Variants in AMZ1 observed in about 807,000 individuals in gnomAD.
AMZ1 encodes the protein archaelysin family metallopeptidase 1, also known as archaemetzincin-1.
Under a neutral mutation model 29.9 loss-of-function variants are expected in AMZ1, and 39 were observed. The observed-to-expected ratio is 1.30, with a 90% CI of 1.01 to 1.70. The LOEUF (loss-of-function observed/expected upper bound fraction) is 1.70, where lower values mean the gene tolerates loss of function less well. AMZ1 is among the 40% of genes most tolerant of loss of function. The probability of loss-of-function intolerance (pLI) is 0.00; values close to 1 mark genes in which losing one functional copy is unlikely to be tolerated. For missense variants in AMZ1, 1,041 were observed against 680.6 expected (o/e 1.53, Z -5.89); for synonymous variants, 458 against 304.0 (o/e 1.51, Z -5.27).
chr7:2,708,042 C>T (rs954361837), intron 3 of AMZ1, among the ~76,000 whole-genome samples: 6 of 151,998 alleles, frequency 3.9e-5, no homozygotes, highest in South Asian at 2.1e-4. Context: ...AGGCTGGTCT[C>T]GAACTCCTGA....
chr7:2,759,781 A>G (rs193074930), upstream of AMZ1, among the ~76,000 whole-genome samples: 5 of 152,352 alleles, frequency 3.3e-5, no homozygotes, highest in East Asian at 9.7e-4. Context: ...GGCCATGAAA[A>G]AAACTGTCCT....
downstream of AMZ1, among the ~76,000 whole-genome samples, chr7:2,724,079 G>T (rs150617118): frequency 0.012 from 1,674 of 137,364 alleles, 16 homozygotes; most frequent in Middle Eastern, 0.077. Flanking sequence ...CTAATTTTTT[G>T]TATTTTTAGT....
At chr7:2,720,779 G>A (rs1036161690), downstream of AMZ1, among the ~76,000 whole-genome samples, 4 of 152,086 alleles carry the variant, frequency 2.6e-5, no homozygotes, top group Non-Finnish European at 5.9e-5. Context: ...GGGCTCAAGC[G>A]ACTCTCCTGC....
chr7:2,761,354 G>A (rs949683019), upstream of AMZ1, among the ~76,000 whole-genome samples: 4 of 152,226 alleles, frequency 2.6e-5, no homozygotes, highest in African/African-American at 7.2e-5. Flanking sequence ...GGGTGGGCAC[G>A]CAGATGGCAG....
chr7:2,758,384 A>G (rs958585842), intron 4 of AMZ1, among the ~76,000 whole-genome samples: 2 of 152,172 alleles, frequency 1.3e-5, no homozygotes, highest in Non-Finnish European at 2.9e-5. Context: ...AGGCTTGCAC[A>G]TGAAAGAGGG....
At chr7:2,746,624 C>G (rs1361870030) in intron 4 of AMZ1, among the ~76,000 whole-genome samples, 2 of 152,112 alleles carry the variant, frequency 1.3e-5, no homozygotes, top group Non-Finnish European at 2.9e-5. Context: ...AAAGCAAGAA[C>G]AAACACATTC....
chr7:2,708,710 G>A lies in AMZ1; in HGVS notation c.595G>A (p.Gly199Arg), dbSNP rs767412896. Residue 199 changes from glycine to arginine, a missense_variant, in exon 4 of 7, where the codon GGG becomes AGG. Coordinates refer to ENST00000683327, the MANE Select transcript of AMZ1 (RefSeq NM_001384743.1). Reference sequence around the variant, plus strand: ...CTTCACCTTCAGCAAGTTCCTTCCAGGGCACGGTGAGCCGGGGCCCCAGCA... The same window carrying A: ...CTTCACCTTCAGCAAGTTCCTTCCAAGGCACGGTGAGCCGGGGCCCCAGCA... The part of the protein sequence containing the change: ...WSFTFSKFLP[G>R]HEVGVCSFAR... 5 of 1,612,712 alleles carry A rather than the reference G, an allele frequency of 3.1e-6. No homozygotes were observed. Among genetic ancestry groups the A allele is most frequent in the Non-Finnish European group, 4.2e-6 (5 of 1,179,978 alleles).
At chr7:2,742,603 T>C (rs561750873) in intron 4 of AMZ1, among the ~76,000 whole-genome samples, 43 of 152,320 alleles carry the variant, frequency 2.8e-4, no homozygotes, top group African/African-American at 9.6e-4. Context: ...TCGCCGGCCC[T>C]TTGCGTTTCC....
Position 2,734,011 on chromosome 7 carries a change from C to T in AMZ1, n.550+24195C>T, listed in dbSNP as rs149417288. ...AGTTTCTAGAAAGAGTCCATTATTC[C>T]TTCCCACATTTTTATGACCTGATTT... On this transcript the variant is annotated intron_variant and non_coding_transcript_variant, in intron 4 of 4. Coordinates refer to the AMZ1 transcript ENST00000489665. Among the ~76,000 whole-genome samples the T allele has an allele frequency of 3.8e-3, 580 of 152,362 alleles. 3 individuals carry two copies. The highest frequency in any genetic ancestry group is 5.7e-3 in the Admixed American group (87 of 15,310).
chr7:2,751,025 A>G lies in AMZ1; in HGVS notation n.551-13687A>G, dbSNP rs373366675. The stretch of plus-strand genomic sequence containing the variant: ...GTATTTTGAACTTCAAGACAATGTT[A>G]AAATATCAACACTTTTATCTTGAGA... On this transcript the variant is annotated intron_variant and non_coding_transcript_variant, in intron 4 of 4. Transcript: ENST00000489665. Among the ~76,000 whole-genome samples the G allele has an allele frequency of 7.9e-5, 12 of 152,308 alleles. No homozygotes were observed. In the East Asian group the frequency reaches 1.9e-3, roughly 24 times the overall value.
intron 4 of AMZ1, among the ~76,000 whole-genome samples, chr7:2,741,045 AAAACAAACAAAC>A (rs10603977): frequency 4.0e-5 from 6 of 151,168 alleles, no homozygotes; most frequent in Admixed American, 2.0e-4. Flanking sequence ...ACTCCGTCTC[AAAACAAACAAAC>A]AAACAAACAA....
chr7:2,746,657 AT>A (rs1470219847), intron 4 of AMZ1, among the ~76,000 whole-genome samples: 1 of 152,232 alleles, frequency 6.6e-6, no homozygotes, highest in Admixed American at 6.5e-5. Context: ...AAGGCAAGAA[AT>A]AACTAAGATC....
Position 2,709,757 on chromosome 7 carries a change from C to G in AMZ1, c.889C>G (p.Pro297Ala). Residue 297 changes from proline to alanine, a missense_variant, in exon 6 of 7, where the codon CCC becomes GCC. Physicochemically the swap from Pro to Ala is conservative, Grantham distance 27. Transcript: ENST00000683327. ...CCTGCGGCGGCCCCTGGACCTCTGT[C>G]CCATCTGCCTGAGGAAGCTGCAGCA... ...EALRRPLDLC[P>A]ICLRKLQHVL... 6.2e-7 allele frequency: 1 copy of G among 1,611,906 alleles called. No individual in the cohort carries two copies. Among genetic ancestry groups the G allele is most frequent in the South Asian group, 1.1e-5 (1 of 91,018 alleles).
At chr7:2,694,942 G>A (rs1787617581) in intron 1 of AMZ1, among the ~76,000 whole-genome samples, 4 of 152,148 alleles carry the variant, frequency 2.6e-5, no homozygotes, top group Admixed American at 2.6e-4. Context: ...CAAGGTGCTG[G>A]GATTCCAGGC....
chr7:2,727,582 G>C (rs764389537), intron 4 of AMZ1, among the ~76,000 whole-genome samples: 20 of 151,968 alleles, frequency 1.3e-4, no homozygotes, highest in Non-Finnish European at 2.9e-4. Context: ...GCCTGGGTTG[G>C]TCTCAAACTC....
upstream of AMZ1, chr7:2,763,014 G>T: frequency 5.5e-6 from 7 of 1,277,028 alleles, no homozygotes; most frequent in Non-Finnish European, 6.9e-6. Flanking sequence ...CAACAGCCCC[G>T]CCGGCCACTG....
chr7:2,712,348 C>CT lies in AMZ1; in HGVS notation c.967_968insT (p.Gln323LeufsTer33). On this transcript the variant is annotated frameshift_variant, in exon 7 of 7. Coordinates refer to ENST00000683327, the MANE Select transcript of AMZ1 (RefSeq NM_001384743.1). LOFTEE classifies it low-confidence loss of function (END_TRUNC). ...CTCTTAGAGACTCTACACCTGGACT[C>CT]AGGCGGTGGTGGGGACGTGGCCCAG... 6.3e-7 allele frequency: 1 copy of CT among 1,593,452 alleles called. No homozygotes were observed. The highest frequency in any genetic ancestry group is 8.5e-7 in the Non-Finnish European group (1 of 1,169,604).
intron 1 of AMZ1, among the ~76,000 whole-genome samples, chr7:2,680,683 C>G (rs962710874): frequency 1.3e-5 from 2 of 152,244 alleles, no homozygotes; most frequent in Admixed American, 6.5e-5. Context: ...TTGGACGAAG[C>G]CGCTGGGCCG....
Position 2,731,763 on chromosome 7 carries a change from G to A in AMZ1, n.550+21947G>A. On this transcript the variant is annotated intron_variant and non_coding_transcript_variant, in intron 4 of 4. Coordinates refer to the AMZ1 transcript ENST00000489665. The surrounding 1 kb of genome is among the most constrained non-coding windows in gnomAD (Gnocchi z 6.0). ...TAGGAAAGTAATTCTGTAAAATACA[G>A]GATGAGGCAGAAATTTAGGGGGAGG... 7.3e-7 allele frequency: 1 copy of A among 1,373,396 alleles called. No homozygotes were observed. Among genetic ancestry groups the A allele is most frequent in the Non-Finnish European group, 9.8e-7 (1 of 1,021,006 alleles). 85.1% of individuals were successfully genotyped at this position (1,373,396 alleles called of 1,614,324 possible).
Sources: allele counts gnomAD v4.1 joint callset (sites outside exome capture counted in the v4.1 genomes callset), GRCh38; gene constraint gnomAD v4.1.1; non-coding constraint Gnocchi (gnomAD v3.1); transcripts MANE v1.5; gene names NCBI Gene and HGNC (gene_info 2026-07-23, HGNC 2026-07-21).